The following ZNF425 variants were observed in gnomAD, a reference collection of about 807,000 sequenced individuals.
ZNF425 encodes zinc finger protein 425.
ZNF425 carries 21 observed loss-of-function variants against 17.0 expected under a neutral mutation model. That is an observed-to-expected ratio of 1.23 (90% CI 0.88 to 1.78). The LOEUF is 1.78. ZNF425 is among the 40% of genes most tolerant of loss of function. The pLI is 0.00. For missense variants in ZNF425, 868 were observed against 967.3 expected (o/e 0.90, Z 1.36); for synonymous variants, 433 against 384.1 (o/e 1.13, Z -1.49).
At chr7:149,115,816 T>C (rs1826258005) in intron 2 of ZNF425, among the ~76,000 whole-genome samples, 1 of 152,050 alleles carries the variant, frequency 6.6e-6, no homozygotes, top group Non-Finnish European at 1.5e-5. Flanking sequence ...CAAGGCTTCA[T>C]CTCCAAGGGA....
rs371072764 is a variant in ZNF425 at position 149,112,309 on chromosome 7, C to A, written c.146-14G>T. On this transcript the variant is annotated splice_polypyrimidine_tract_variant and intron_variant, in intron 2 of 3. Coordinates refer to ENST00000378061, the MANE Select transcript of ZNF425 (RefSeq NM_001001661.3). ...AAAAAGCATACCCTGCAAATAGAGTCCACACAGACTTTGAGTTTACTGCAT... is the reference window on the plus strand; with the variant it reads ...AAAAAGCATACCCTGCAAATAGAGTACACACAGACTTTGAGTTTACTGCAT... 2 of 1,609,952 alleles carry A rather than the reference C, an allele frequency of 1.2e-6. No homozygotes were observed. Among genetic ancestry groups the A allele is most frequent in the African/African-American group, 1.3e-5 (1 of 74,776 alleles).
At chr7:149,112,114 GA>G (rs775422559) in intron 3 of ZNF425, 22 bp downstream of exon 3, 4 of 1,600,516 alleles carry the variant, frequency 2.5e-6, no homozygotes, top group Non-Finnish European at 3.4e-6. Flanking sequence ...AATAATTCAT[GA>G]TCTTAAATCC....
chr7:149,103,941 C>A lies in ZNF425; in HGVS notation c.1930G>T (p.Gly644Cys). The change falls in exon 4 of 4, where the codon GGC becomes TGC. Residue 644 changes from glycine (G) to cysteine (C), a missense_variant. Gly to Cys is a radical substitution (Grantham distance 159, BLOSUM62 -3). Coordinates refer to ENST00000378061, the MANE Select transcript of ZNF425 (RefSeq NM_001001661.3). Reference protein sequence around the residue: ...GQKPFSCVMCGKSFTQQYRLT... With the variant: ...GQKPFSCVMCCKSFTQQYRLT... ...CGGTACTGTTGAGTGAAACTTTTGCCGCACATCACACAAGAGAATGGCTTT... is the reference window on the plus strand; with the variant it reads ...CGGTACTGTTGAGTGAAACTTTTGCAGCACATCACACAAGAGAATGGCTTT... The A allele has an allele frequency of 6.2e-7, 1 of 1,614,052 alleles. No homozygotes were observed. Among genetic ancestry groups the A allele is most frequent in the Non-Finnish European group, 8.5e-7 (1 of 1,180,022 alleles).
In ZNF425 at chr7:149,104,787, C is replaced by G. The variant is rs780773889; in HGVS notation, c.1084G>C (p.Glu362Gln). The G allele has an allele frequency of 6.2e-7, 1 of 1,613,602 alleles. No individual in the cohort carries two copies. The highest frequency in any genetic ancestry group is 8.5e-7 in the Non-Finnish European group (1 of 1,179,970). The change falls in exon 4 of 4, where the codon GAG becomes CAG. Residue 362 changes from glutamate (E) to glutamine (Q), a missense_variant. Transcript: ENST00000378061. The surrounding 1 kb of genome is among the most constrained non-coding windows in gnomAD (Gnocchi z 4.3). ...HSGKRPFHCP[E>Q]CGRSFSRKAA... ...TTCCGGGAGAAGCTCCGGCCACACT[C>G]GGGACAGTGGAAGGGCCTCTTCCCG... is the stretch of plus-strand genomic sequence containing the variant.
chr7:149,120,209 C>A (rs1345309865), intron 1 of ZNF425, among the ~76,000 whole-genome samples: 1 of 152,094 alleles, frequency 6.6e-6, no homozygotes, highest in Non-Finnish European at 1.5e-5. Flanking sequence ...TGGTGAAACC[C>A]CGTCTCTACT....
At chr7:149,107,395 T>C (rs2129517853) in intron 3 of ZNF425, among the ~76,000 whole-genome samples, 1 of 151,766 alleles carries the variant, frequency 6.6e-6, no homozygotes, top group East Asian at 1.9e-4. Flanking sequence ...TGGAGTGCAG[T>C]AGCGCGATCT....
intron 1 of ZNF425, chr7:149,125,734 A>C: frequency 4.6e-6 from 1 of 217,378 alleles, no homozygotes; most frequent in Non-Finnish European, 9.3e-6. Flanking sequence ...GGCAGTGGCT[A>C]TTCACAGGCG....
chr7:149,106,608 C>G (rs1471014032), intron 3 of ZNF425, among the ~76,000 whole-genome samples: 1 of 152,172 alleles, frequency 6.6e-6, no homozygotes, highest in Admixed American at 6.6e-5. Context: ...CTTTGTCAAT[C>G]TGCCTCCTGC....
intron 2 of ZNF425, among the ~76,000 whole-genome samples, chr7:149,115,352 A>G (rs1329954964): frequency 6.6e-6 from 1 of 151,864 alleles, no homozygotes; most frequent in Non-Finnish European, 1.5e-5. Context: ...TAGTGGCATA[A>G]GCCTAAAAGA....
chr7:149,113,569 T>TTC (rs3084492), intron 2 of ZNF425: 1 of 146,142 alleles, frequency 6.8e-6, no homozygotes, highest in Non-Finnish European at 1.5e-5. Context: ...TTTTTTTTTT[T>TTC]GAGACGGAGT....
At chr7:149,122,896 T>C (rs1826383639) in intron 1 of ZNF425, among the ~76,000 whole-genome samples, 2 of 152,216 alleles carry the variant, frequency 1.3e-5, no homozygotes, top group South Asian at 2.1e-4. Context: ...GGTTTCACCA[T>C]GTTGGCCAGG....
rs138904330 is a variant in ZNF425, at chr7:149,117,740, C to T, written c.145+482G>A. ...CGATCTTGGCTCAATGCAACCTCCG[C>T]CTCCCAGGTTCAAGCGATTCTCCTG... On this transcript the variant is annotated intron_variant, in intron 2 of 3. Coordinates refer to ENST00000378061, the MANE Select transcript of ZNF425 (RefSeq NM_001001661.3). Among the ~76,000 whole-genome samples, 134 of 149,494 alleles carry T rather than the reference C, an allele frequency of 9.0e-4. No individual in the cohort carries two copies. The East Asian group carries it at 0.024, about 27-fold the overall frequency.
In ZNF425 at chr7:149,104,953, C is replaced by T. The variant is rs1826054077; in HGVS notation, c.918G>A (p.Glu306=). Residue 306 remains glutamate (E), a synonymous_variant, in exon 4 of 4, where the codon GAG becomes GAA. Coordinates refer to ENST00000378061, the MANE Select transcript of ZNF425 (RefSeq NM_001001661.3). This position sits in a 1 kb window ranked among gnomAD's most constrained non-coding sequence, Gnocchi z 4.3. ...ACTGCTGCACGAAGGCCCGGCCGCA[C>T]TCCCCGCAGCAGAACGGCCGCTCCC... is the stretch of plus-strand genomic sequence containing the variant. ...HRGERPFCCG[E]CGRAFVQQCE... The T allele has an allele frequency of 1.2e-6, 2 of 1,613,942 alleles. No homozygotes were observed. Among genetic ancestry groups the T allele is most frequent in the East Asian group, 2.2e-5 (1 of 44,898 alleles).
chr7:149,122,827 C>T (rs764110737), intron 1 of ZNF425, among the ~76,000 whole-genome samples: 17 of 152,154 alleles, frequency 1.1e-4, no homozygotes, highest in Non-Finnish European at 2.4e-4. Flanking sequence ...TCCTGAGTAG[C>T]TGGGATTACA....
rs545098385 is a variant in ZNF425 at position 149,106,514 on chromosome 7, G to C, written c.305-948C>G. 9.3e-4 allele frequency among the ~76,000 whole-genome samples: 142 copies of C among 152,250 alleles called. 1 individual carries two copies. The highest frequency in any genetic ancestry group is 3.2e-3 in the African/African-American group (132 of 41,548). On this transcript the variant is annotated intron_variant, in intron 3 of 3. Transcript: ENST00000378061. ...GCCTCCCAAAGTGCTGGGATTACAG[G>C]CATGAGCCACCGTGCCTAGCCATTC...
chr7:149,106,831 A>G (rs747091940), intron 3 of ZNF425, among the ~76,000 whole-genome samples: 3 of 152,118 alleles, frequency 2.0e-5, no homozygotes, highest in Non-Finnish European at 4.4e-5. Context: ...AGAGGTGGCC[A>G]GGCGCAGTGG....
In ZNF425 at chr7:149,126,221, C is replaced by T; in HGVS notation, c.-8G>A. 1 of 1,611,186 alleles carries T rather than the reference C, an allele frequency of 6.2e-7. No individual in the cohort carries two copies. The highest frequency in any genetic ancestry group is 8.5e-7 in the Non-Finnish European group (1 of 1,179,114). On this transcript the variant is annotated 5_prime_UTR_variant, in exon 1 of 4. Coordinates refer to ENST00000378061, the MANE Select transcript of ZNF425 (RefSeq NM_001001661.3). ...CGAAGCCGGCTCGGCCATGGCGGTTCCGCACGAACCGGCCCTGCCTGGCAC... is the reference window on the plus strand; with the variant it reads ...CGAAGCCGGCTCGGCCATGGCGGTTTCGCACGAACCGGCCCTGCCTGGCAC...
chr7:149,111,221 G>A (rs1826169750), intron 3 of ZNF425, among the ~76,000 whole-genome samples: 2 of 151,788 alleles, frequency 1.3e-5, no homozygotes, highest in South Asian at 2.1e-4. Flanking sequence ...AGAGCAAATG[G>A]GTGGATCACT....
chr7:149,110,293 C>G (rs112315640), intron 3 of ZNF425, among the ~76,000 whole-genome samples: 1 of 151,310 alleles, frequency 6.6e-6, no homozygotes, highest in African/African-American at 2.4e-5. Context: ...CAGCCGGGCA[C>G]GGTAGCTCAC....
Sources: gnomAD v4.1 joint callset for allele counts (sites outside exome capture counted in the v4.1 genomes callset) on GRCh38, gnomAD v4.1.1 for gene constraint, Gnocchi (gnomAD v3.1) non-coding constraint, MANE v1.5 for transcripts, NCBI Gene and HGNC (gene_info 2026-07-23, HGNC 2026-07-21) for gene names.